The following SLC8A1 variants were observed in gnomAD, a reference collection of about 807,000 sequenced individuals.
The protein encoded by SLC8A1 is sodium/calcium exchanger 1.
SLC8A1 carries 18 observed loss-of-function variants against 68.3 expected under a neutral mutation model. The observed-to-expected ratio is 0.26, with a 90% CI of 0.18 to 0.39. SLC8A1 has a LOEUF of 0.39. Ranked by LOEUF, SLC8A1 falls within the 10% of genes least tolerant of loss-of-function variation. SLC8A1 has a pLI of 1.00. For missense variants in SLC8A1, 985 were observed against 1,156.7 expected (o/e 0.85, Z 2.15); for synonymous variants, 475 against 415.5 (o/e 1.14, Z -1.74).
At chr2:40,212,002 ATATT>A (rs2148782538) in intron 2 of SLC8A1, among the ~76,000 whole-genome samples, 1 of 152,354 alleles carries the variant, frequency 6.6e-6, no homozygotes, top group South Asian at 2.1e-4. Context: ...TGAACAAAAT[ATATT>A]TAGAGCATAA....
chr2:40,249,616 C>A (rs1006347792), intron 2 of SLC8A1, among the ~76,000 whole-genome samples: 1 of 150,090 alleles, frequency 6.7e-6, no homozygotes, highest in Non-Finnish European at 1.5e-5. Context: ...AATATTCAAG[C>A]TTTTAGGATC....
intron 2 of SLC8A1, among the ~76,000 whole-genome samples, chr2:40,227,511 A>C (rs2059137625): frequency 6.6e-6 from 1 of 152,082 alleles, no homozygotes; most frequent in Non-Finnish European, 1.5e-5. Flanking sequence ...GTGGGAGCTA[A>C]ATGATGAGAA....
At chr2:40,504,243 C>T (rs1011686384) in intron 1 of SLC8A1, among the ~76,000 whole-genome samples, 2 of 151,966 alleles carry the variant, frequency 1.3e-5, no homozygotes, top group Admixed American at 6.6e-5. Flanking sequence ...CCTAGGAAAA[C>T]TGAATATCCA....
At position 40,350,997 on chromosome 2, in the gene SLC8A1, C is replaced by G. The variant is rs139437696; in HGVS notation, c.1808+77476G>C. 2.9e-3 allele frequency among the ~76,000 whole-genome samples: 444 copies of G among 152,258 alleles called. 7 individuals are homozygous for G. In the East Asian group the frequency reaches 0.04, roughly 14 times the overall value. On this transcript the variant is annotated intron_variant, in intron 2 of 7. Coordinates refer to ENST00000406785, the Ensembl canonical transcript of SLC8A1. The stretch of plus-strand genomic sequence containing the variant: ...TGACGGCAGCTCTGTCTAAACTTCA[C>G]ATTCTCATCCTTATCCCATTGCCTA...
intron 7 of SLC8A1, among the ~76,000 whole-genome samples, chr2:40,127,366 C>T (rs935166698): frequency 7.9e-5 from 12 of 152,140 alleles, no homozygotes; most frequent in Non-Finnish European, 1.2e-4. Context: ...CCACTTCCAG[C>T]GCAGCCTCAA....
chr2:40,287,619 T>TGC (rs1575089693), intron 2 of SLC8A1, among the ~76,000 whole-genome samples: 1 of 148,392 alleles, frequency 6.7e-6, no homozygotes, highest in Non-Finnish European at 1.5e-5. Flanking sequence ...TGTGTGTGTG[T>TGC]GCATGCAGGG....
chr2:40,220,506 C>T (rs921542290), intron 2 of SLC8A1: 1 of 152,194 alleles, frequency 6.6e-6, no homozygotes, highest in African/African-American at 2.4e-5. Flanking sequence ...CACTTGCTGG[C>T]TAGCTGATCT....
At chr2:40,206,913 T>C (rs1014759377) in intron 2 of SLC8A1, among the ~76,000 whole-genome samples, 2 of 152,058 alleles carry the variant, frequency 1.3e-5, no homozygotes, top group Non-Finnish European at 2.9e-5. Flanking sequence ...GCACAAAATG[T>C]GAATTCATGT....
chr2:40,211,114 G>A (rs780757540), intron 2 of SLC8A1, among the ~76,000 whole-genome samples: 8 of 152,300 alleles, frequency 5.3e-5, no homozygotes, highest in Non-Finnish European at 8.8e-5. Flanking sequence ...GCCATTGGCT[G>A]AGGACCCACT....
At chr2:40,290,370 G>A (rs2069084195) in intron 2 of SLC8A1, among the ~76,000 whole-genome samples, 2 of 151,984 alleles carry the variant, frequency 1.3e-5, no homozygotes, top group Admixed American at 6.6e-5. Flanking sequence ...CACAAAGTTC[G>A]GAGATAGCAT....
intron 2 of SLC8A1, among the ~76,000 whole-genome samples, chr2:40,337,949 G>C (rs773551072): frequency 1.3e-5 from 2 of 152,116 alleles, no homozygotes; most frequent in African/African-American, 2.4e-5. Context: ...TGTGAATATA[G>C]AGGAAAGGGT....
At chr2:40,378,560 G>A (rs1296205430) in intron 2 of SLC8A1, among the ~76,000 whole-genome samples, 1 of 152,054 alleles carries the variant, frequency 6.6e-6, no homozygotes, top group East Asian at 1.9e-4. Context: ...GGAGTGTCTG[G>A]GAAAATCAGC....
exon 8 of SLC8A1, chr2:40,110,568 C>T (rs1346639635): frequency 6.6e-6 from 1 of 152,148 alleles, no homozygotes; most frequent in Non-Finnish European, 1.5e-5. Context: ...CTCAGTTTTA[C>T]CAACTGCCTT....
intron 1 of SLC8A1, among the ~76,000 whole-genome samples, chr2:40,439,772 T>G (rs1234084638): frequency 6.6e-6 from 1 of 152,090 alleles, no homozygotes; most frequent in East Asian, 1.9e-4. Context: ...TTACAGTCCT[T>G]GAAAGAATAA....
intron 2 of SLC8A1, among the ~76,000 whole-genome samples, chr2:40,311,451 A>C (rs1309613869): frequency 6.6e-6 from 1 of 150,814 alleles, no homozygotes; most frequent in Non-Finnish European, 1.5e-5. Context: ...CATATGAGAA[A>C]ATCGAAGGCA....
intron 7 of SLC8A1, among the ~76,000 whole-genome samples, chr2:40,133,246 C>T (rs1279380506): frequency 6.6e-6 from 1 of 152,150 alleles, no homozygotes; most frequent in Non-Finnish European, 1.5e-5. Context: ...GCTAAGAGAA[C>T]ATGGTGAACA....
At chr2:40,511,395 T>C (rs924841277) in intron 1 of SLC8A1, among the ~76,000 whole-genome samples, 1 of 152,198 alleles carries the variant, frequency 6.6e-6, no homozygotes, top group Non-Finnish European at 1.5e-5. Flanking sequence ...CTAACAATTT[T>C]AACAGATATG....
chr2:40,366,899 G>A (rs1334499498), intron 2 of SLC8A1, among the ~76,000 whole-genome samples: 1 of 151,908 alleles, frequency 6.6e-6, no homozygotes, highest in Non-Finnish European at 1.5e-5. Context: ...CAACTAACAA[G>A]TTGAATCAAT....
At chr2:40,229,477 C>G (rs1458006090) in intron 2 of SLC8A1, among the ~76,000 whole-genome samples, 1 of 152,044 alleles carries the variant, frequency 6.6e-6, no homozygotes, top group Non-Finnish European at 1.5e-5. Context: ...CTTGTCCTTG[C>G]ATTAAACTCT....
Sources: allele counts gnomAD v4.1 joint callset (sites outside exome capture counted in the v4.1 genomes callset), GRCh38; gene constraint gnomAD v4.1.1; transcripts MANE v1.5; gene names NCBI Gene and HGNC (gene_info 2026-07-23, HGNC 2026-07-21).